The following KCNH7 variants were observed in gnomAD, a reference collection of about 807,000 sequenced individuals.
The protein encoded by KCNH7 is potassium voltage-gated channel subfamily H member 7.
KCNH7 carries 49 observed loss-of-function variants against 120.8 expected under a neutral mutation model. The observed-to-expected ratio is 0.41, with a 90% CI of 0.32 to 0.51. The LOEUF (loss-of-function observed/expected upper bound fraction) is 0.51. Ranked by LOEUF, KCNH7 falls within the 20% of genes least tolerant of loss-of-function variation. KCNH7 has a pLI of 0.38. For missense variants in KCNH7, 1,097 were observed against 1,446.6 expected (o/e 0.76, Z 3.92); for synonymous variants, 547 against 516.1 (o/e 1.06, Z -0.81).
intron 9 of KCNH7, among the ~76,000 whole-genome samples, chr2:162,420,374 TCAAAAA>T (rs774990501): frequency 2.6e-4 from 40 of 152,212 alleles, no homozygotes; most frequent in Non-Finnish European, 2.9e-4. Context: ...AGACTCCATC[TCAAAAA>T]CAAAAACAAA....
At chr2:162,580,788 T>C (rs1693840769) in intron 2 of KCNH7, among the ~76,000 whole-genome samples, 1 of 151,856 alleles carries the variant, frequency 6.6e-6, no homozygotes, top group African/African-American at 2.4e-5. Flanking sequence ...AGTACTTGGT[T>C]TGGGGTAGGA....
chr2:162,381,838 T>C (rs1429672417), intron 13 of KCNH7, among the ~76,000 whole-genome samples: 1 of 152,136 alleles, frequency 6.6e-6, no homozygotes, highest in Non-Finnish European at 1.5e-5. Flanking sequence ...AAGTATGATT[T>C]GTTATTCACA....
intron 2 of KCNH7, among the ~76,000 whole-genome samples, chr2:162,623,763 G>A (rs1683447342): frequency 6.6e-6 from 1 of 152,054 alleles, no homozygotes; most frequent in African/African-American, 2.4e-5. Context: ...AAAATTCTTT[G>A]AGCAGTGAAT....
At chr2:162,639,058 C>A (rs984246308) in intron 2 of KCNH7, among the ~76,000 whole-genome samples, 3 of 152,114 alleles carry the variant, frequency 2.0e-5, no homozygotes, top group Non-Finnish European at 4.4e-5. Flanking sequence ...TAATAGCACA[C>A]TTCCCCCTAC....
chr2:162,670,610 A>G (rs369027693), intron 2 of KCNH7, among the ~76,000 whole-genome samples: 1 of 152,064 alleles, frequency 6.6e-6, no homozygotes, highest in East Asian at 1.9e-4. Context: ...TTGTTAAGGA[A>G]GCAGGTGAGA....
chr2:162,508,925 C>A (rs1690974579), intron 5 of KCNH7, among the ~76,000 whole-genome samples: 1 of 151,356 alleles, frequency 6.6e-6, no homozygotes, highest in African/African-American at 2.4e-5. Context: ...AGTAGAAAGT[C>A]ATGTAAAACG....
chr2:162,373,493 G>A lies in KCNH7; in HGVS notation c.3301C>T (p.Arg1101Ter), dbSNP rs372533434. 5.2e-6 allele frequency: 8 copies of A among 1,553,148 alleles called. No individual in the cohort carries two copies. The highest frequency in any genetic ancestry group is 7.0e-6 in the Non-Finnish European group (8 of 1,149,114). Residue 1101 changes from arginine to a stop codon, truncating the protein, a stop_gained, in exon 15 of 16, where the codon CGA becomes TGA. Transcript: ENST00000332142. LOFTEE classifies it high-confidence loss of function. ...ACTTGTGAGGAAGGGCTGAAACTTC[G>A]GTCAGTTTTGATGGATGCTTCCGGT... ...SQPEASIKTD[R>*]SFSPSSQCPE...
chr2:162,772,011 C>A (rs1683072421), intron 2 of KCNH7: 1 of 152,204 alleles, frequency 6.6e-6, no homozygotes, highest in Middle Eastern at 3.4e-3. Context: ...CAGGCTAAGG[C>A]AGAAAAGTAT....
At chr2:162,686,264 T>A (rs1469790) in intron 2 of KCNH7, among the ~76,000 whole-genome samples, 24,176 of 152,072 alleles carry the variant, frequency 0.16, 2,265 homozygotes, top group East Asian at 0.46. Flanking sequence ...GTTTGCTTTC[T>A]TTTTTAGCTG....
At chr2:162,685,222 C>T (rs1265874152) in intron 2 of KCNH7, among the ~76,000 whole-genome samples, 1 of 151,950 alleles carries the variant, frequency 6.6e-6, no homozygotes, top group Non-Finnish European at 1.5e-5. Context: ...GGAGGGATAG[C>T]ATTAGGAGAA....
intron 2 of KCNH7, among the ~76,000 whole-genome samples, chr2:162,664,022 C>CTA (rs1261841349): frequency 6.6e-6 from 1 of 152,132 alleles, no homozygotes; most frequent in East Asian, 1.9e-4. Flanking sequence ...CATGCCAATG[C>CTA]TATAGTCTGC....
chr2:162,484,610 A>C (rs1000451197), intron 6 of KCNH7, among the ~76,000 whole-genome samples: 2 of 152,178 alleles, frequency 1.3e-5, no homozygotes, highest in Non-Finnish European at 2.9e-5. Flanking sequence ...ACTGTACTAC[A>C]GTTTGGATAT....
At chr2:162,629,853 C>T (rs1419297412) in intron 2 of KCNH7, among the ~76,000 whole-genome samples, 2 of 152,062 alleles carry the variant, frequency 1.3e-5, no homozygotes, top group African/African-American at 4.8e-5. Context: ...AGAGACAGAA[C>T]ATTGAATTAC....
Position 162,630,503 on chromosome 2 carries a change from G to C in KCNH7, c.308-93423C>G, listed in dbSNP as rs1049110031. Among the ~76,000 whole-genome samples, 2 of 151,800 alleles carry C rather than the reference G, an allele frequency of 1.3e-5. 1 individual carries two copies. The highest frequency in any genetic ancestry group is 4.2e-4 in the South Asian group (2 of 4,814). On this transcript the variant is annotated intron_variant, in intron 2 of 15. Coordinates refer to ENST00000332142, the MANE Select transcript of KCNH7 (RefSeq NM_033272.4). ...CATGGAAAAAAAAGACGCAAGAAAAGTGAAAAAAATGTAATGTCATTACAG... is the reference window on the plus strand; with the variant it reads ...CATGGAAAAAAAAGACGCAAGAAAACTGAAAAAAATGTAATGTCATTACAG...
chr2:162,740,168 C>A (rs1688071881), intron 2 of KCNH7, among the ~76,000 whole-genome samples: 1 of 152,074 alleles, frequency 6.6e-6, no homozygotes, highest in South Asian at 2.1e-4. Context: ...TGTGTCAGGA[C>A]CCGAGCCAGG....
intron 2 of KCNH7, among the ~76,000 whole-genome samples, chr2:162,585,900 A>G (rs912539195): frequency 2.6e-5 from 4 of 152,066 alleles, no homozygotes; most frequent in African/African-American, 9.7e-5. Flanking sequence ...GTGTGAACTC[A>G]TAAAGCCACA....
chr2:162,392,900 A>G (rs530218831), intron 12 of KCNH7, among the ~76,000 whole-genome samples: 5 of 151,908 alleles, frequency 3.3e-5, no homozygotes, highest in Admixed American at 2.6e-4. Flanking sequence ...GAAAAAAAAA[A>G]TCAACAGAAG....
At chr2:162,583,942 T>G (rs1693951488) in intron 2 of KCNH7, among the ~76,000 whole-genome samples, 1 of 152,094 alleles carries the variant, frequency 6.6e-6, no homozygotes, top group Admixed American at 6.6e-5. Context: ...TTGAAAGGCT[T>G]TCAGATTTTA....
intron 6 of KCNH7, among the ~76,000 whole-genome samples, chr2:162,503,878 A>G (rs1231080811): frequency 2.6e-5 from 4 of 152,104 alleles, no homozygotes; most frequent in Non-Finnish European, 5.9e-5. Context: ...CTGAAGCAGT[A>G]TACCTGCTAG....
Sources: gnomAD v4.1 joint callset for allele counts (sites outside exome capture counted in the v4.1 genomes callset) on GRCh38, gnomAD v4.1.1 for gene constraint, MANE v1.5 for transcripts, NCBI Gene and HGNC (gene_info 2026-07-23, HGNC 2026-07-21) for gene names.